SLC9A2: variants seen among roughly 807,000 people sequenced by gnomAD.
SLC9A2 encodes the protein sodium/hydrogen exchanger 2.
Under a neutral mutation model 71.7 loss-of-function variants are expected in SLC9A2, and 42 were observed. That is an observed-to-expected ratio of 0.59 (90% CI 0.46 to 0.76). The LOEUF is 0.76. Among genes scored for constraint, SLC9A2 ranks in the 30% least tolerant of loss-of-function variants. SLC9A2 has a pLI of 0.00. For synonymous variants in SLC9A2, 396 were observed against 392.5 expected, an observed-to-expected ratio of 1.01 and a Z score of -0.10; for missense variants, 829 against 1,017.4, an observed-to-expected ratio of 0.81 and a Z score of 2.52.
intron 1 of SLC9A2, among the ~76,000 whole-genome samples, chr2:102,643,362 C>A (rs1676649381): frequency 6.6e-6 from 1 of 152,200 alleles, no homozygotes; most frequent in South Asian, 2.1e-4. Context: ...GACTTTGCTG[C>A]AGTTGGGGCC....
At chr2:102,656,070 G>A (rs1462106018) in intron 1 of SLC9A2, among the ~76,000 whole-genome samples, 1 of 152,210 alleles carries the variant, frequency 6.6e-6, no homozygotes, top group Non-Finnish European at 1.5e-5. Context: ...CCAAAGCGTA[G>A]CATTCTCATA....
In SLC9A2 at chr2:102,684,170, G is replaced by A. The variant is rs1677506431; in HGVS notation, c.1259G>A (p.Arg420Gln). The stretch of plus-strand genomic sequence containing the variant: ...CTGACTCAGGTCATTAATAGGTTCC[G>A]GACCATTCCCCTGACCTTTAAGGAC... ...FVLTQVINRF[R>Q]TIPLTFKDQF... is the part of the protein sequence containing the mutation. Residue 420 changes from arginine to glutamine, a missense_variant, in exon 5 of 12, where the codon CGG becomes CAG. Arg to Gln is a conservative substitution (Grantham distance 43). Around this residue, in one of 3 missense-constraint regions of SLC9A2, gnomAD observed 500 missense variants for 726.3 expected, o/e 0.69. Coordinates refer to ENST00000233969, the MANE Select transcript of SLC9A2 (RefSeq NM_003048.6). 2 of 1,614,024 alleles carry A rather than the reference G, an allele frequency of 1.2e-6. No homozygotes were observed. Among genetic ancestry groups the A allele is most frequent in the Non-Finnish European group, 8.5e-7 (1 of 1,179,982 alleles).
At chr2:102,669,929 G>A (rs904276707) in intron 3 of SLC9A2, among the ~76,000 whole-genome samples, 3 of 152,140 alleles carry the variant, frequency 2.0e-5, no homozygotes, top group African/African-American at 7.2e-5. Flanking sequence ...GACCTGAAGG[G>A]GGAAGGGCGT....
Position 102,668,213 on chromosome 2 carries a change from T to C in SLC9A2, c.1004+2863T>C, listed in dbSNP as rs147088099. Among the ~76,000 whole-genome samples, 7 of 152,324 alleles carry C rather than the reference T, an allele frequency of 4.6e-5. No individual in the cohort carries two copies. In the East Asian group the frequency reaches 1.3e-3, roughly 29 times the overall value. Reference sequence around the variant, plus strand: ...ATTACCATGTGCACCCATTATTCTGTCATGAAAAATGCAGGTACACATTCA... The same window carrying C: ...ATTACCATGTGCACCCATTATTCTGCCATGAAAAATGCAGGTACACATTCA... On this transcript the variant is annotated intron_variant, in intron 3 of 11. Transcript: ENST00000233969.
At chr2:102,691,579 A>G (rs1479491976) in intron 5 of SLC9A2, among the ~76,000 whole-genome samples, 1 of 152,244 alleles carries the variant, frequency 6.6e-6, no homozygotes, top group Non-Finnish European at 1.5e-5. Context: ...TAAGTAAGGC[A>G]GCTTTCATCA....
intron 1 of SLC9A2, among the ~76,000 whole-genome samples, chr2:102,621,800 C>T (rs946145373): frequency 6.6e-6 from 1 of 152,294 alleles, no homozygotes; most frequent in East Asian, 1.9e-4. Flanking sequence ...AACACTTCCT[C>T]ATGCAGAGCA....
At chr2:102,653,430 A>G (rs1349796787) in intron 1 of SLC9A2, among the ~76,000 whole-genome samples, 1 of 152,092 alleles carries the variant, frequency 6.6e-6, no homozygotes, top group Admixed American at 6.5e-5. Context: ...CTCCTTTGGC[A>G]TGATGTTCTG....
intron 1 of SLC9A2, among the ~76,000 whole-genome samples, chr2:102,622,082 G>T (rs1222170927): frequency 6.6e-6 from 1 of 152,184 alleles, no homozygotes; most frequent in East Asian, 1.9e-4. Context: ...TGGCTTTGAC[G>T]TGGTGCTACT....
chr2:102,683,363 C>T lies in SLC9A2; in HGVS notation c.1107C>T (p.Val369=), dbSNP rs1677490677. The change falls in exon 4 of 12, where the codon GTC becomes GTT. Residue 369 remains valine, a synonymous_variant. Coordinates refer to ENST00000233969, the MANE Select transcript of SLC9A2 (RefSeq NM_003048.6). ...ACTTCATGAAGATGCTGAGCAGTGT[C>T]AGCGAAACCTTGATCTTCATCTTCA... The part of the protein sequence containing the change: ...IKYFMKMLSS[V]SETLIFIFMG... 6.2e-7 allele frequency: 1 copy of T among 1,613,906 alleles called. No individual in the cohort carries two copies. The highest frequency in any genetic ancestry group is 1.1e-5 in the South Asian group (1 of 91,084).
intron 1 of SLC9A2, among the ~76,000 whole-genome samples, chr2:102,625,807 A>G (rs1373362853): frequency 6.6e-6 from 1 of 152,214 alleles, no homozygotes; most frequent in Non-Finnish European, 1.5e-5. Flanking sequence ...TTATAGCAGC[A>G]TGATTTATAT....
At chr2:102,622,966 A>G (rs1021791054) in intron 1 of SLC9A2, among the ~76,000 whole-genome samples, 1 of 152,098 alleles carries the variant, frequency 6.6e-6, no homozygotes, top group Non-Finnish European at 1.5e-5. Context: ...TGTTCCATTC[A>G]TTTTATTGGA....
Position 102,695,023 on chromosome 2 carries a change from G to T in SLC9A2, c.1516-20G>T, listed in dbSNP as rs1677728555. On this transcript the variant is annotated intron_variant, in intron 6 of 11. Transcript: ENST00000233969. ...ATTTCAGGTAAAGACTAATCAATTTGCCTGCTTTTTCTGTTTTAGTTGTTT... is the reference window on the plus strand; with the variant it reads ...ATTTCAGGTAAAGACTAATCAATTTTCCTGCTTTTTCTGTTTTAGTTGTTT... 2 of 1,608,544 alleles carry T rather than the reference G, an allele frequency of 1.2e-6. No homozygotes were observed. The highest frequency in any genetic ancestry group is 1.3e-5 in the African/African-American group (1 of 74,754).
intron 1 of SLC9A2, among the ~76,000 whole-genome samples, chr2:102,640,903 G>T (rs563007978): frequency 1.0e-3 from 153 of 152,284 alleles, no homozygotes; most frequent in African/African-American, 3.5e-3. Context: ...TCACTCCAGG[G>T]ATTCTGAAAG....
At chr2:102,706,893 C>G (rs1191201612) in intron 11 of SLC9A2, among the ~76,000 whole-genome samples, 1 of 152,170 alleles carries the variant, frequency 6.6e-6, no homozygotes, top group Admixed American at 6.5e-5. Flanking sequence ...TGATGGTTAT[C>G]TTTATGTAGA....
intron 7 of SLC9A2, among the ~76,000 whole-genome samples, chr2:102,699,987 A>G (rs1358014577): frequency 1.3e-5 from 2 of 152,122 alleles, no homozygotes; most frequent in African/African-American, 4.8e-5. Context: ...TAGATCTTCA[A>G]ATGTGGTCAT....
Position 102,710,613 on chromosome 2 carries a change from T to A in SLC9A2, c.*2124T>A, listed in dbSNP as rs1039910388. 1 of 151,954 alleles carries A rather than the reference T, an allele frequency of 6.6e-6. No individual in the cohort carries two copies. Among genetic ancestry groups the A allele is most frequent in the Non-Finnish European group, 1.5e-5 (1 of 68,022 alleles). 9.4% of individuals were successfully genotyped at this position (151,954 alleles called of 1,614,324 possible). Reference sequence around the variant, plus strand: ...AATCTTAATTATTATCAGTTTAAATTTTTTTTGTTTGTTGAATGACAAAGG... The same window carrying A: ...AATCTTAATTATTATCAGTTTAAATATTTTTTGTTTGTTGAATGACAAAGG... On this transcript the variant is annotated 3_prime_UTR_variant, in exon 12 of 12. Coordinates refer to ENST00000233969, the MANE Select transcript of SLC9A2 (RefSeq NM_003048.6).
chr2:102,672,787 A>AAT (rs141156865), intron 3 of SLC9A2, among the ~76,000 whole-genome samples: 47 of 151,596 alleles, frequency 3.1e-4, no homozygotes, highest in Middle Eastern at 3.4e-3. Context: ...GGGTTGAGAT[A>AAT]ATATATATAT....
chr2:102,684,433 C>T (rs1677511060), intron 5 of SLC9A2, 97 bp downstream of exon 5: 1 of 1,108,190 alleles, frequency 9.0e-7, no homozygotes, highest in African/African-American at 1.5e-5. Flanking sequence ...TGTGTTGAAA[C>T]TTTGGTAGTT....
At position 102,657,910 on chromosome 2, in the gene SLC9A2, C is replaced by A. The variant is rs1421175971; in HGVS notation, c.636C>A (p.Ser212Arg). The A allele has an allele frequency of 6.2e-7, 1 of 1,614,116 alleles. No homozygotes were observed. Among genetic ancestry groups the A allele is most frequent in the East Asian group, 2.2e-5 (1 of 44,894 alleles). The stretch of plus-strand genomic sequence containing the variant: ...TGCTCCAGAACCTGCTCTTTGGCAG[C>A]TTAATCTCAGCTGTCGATCCTGTGG... ...ITLLQNLLFG[S>R]LISAVDPVAV... The change falls in exon 2 of 12, where the codon AGC becomes AGA. Residue 212 changes from serine to arginine, a missense_variant. Transcript: ENST00000233969.
Sources: allele counts gnomAD v4.1 joint callset (sites outside exome capture counted in the v4.1 genomes callset), GRCh38; gene constraint gnomAD v4.1.1; regional missense constraint gnomAD v4.1.1; transcripts MANE v1.5; gene names NCBI Gene and HGNC (gene_info 2026-07-23, HGNC 2026-07-21).